Variants in FYN observed in about 807,000 individuals in gnomAD.
The protein encoded by FYN is FYN proto-oncogene, Src family tyrosine kinase, also known as tyrosine-protein kinase Fyn.
Under a neutral mutation model 70.2 loss-of-function variants are expected in FYN, and 10 were observed. The observed-to-expected ratio is 0.14, with a 90% CI of 0.09 to 0.24. FYN has a LOEUF of 0.24. Among genes scored for constraint, FYN ranks in the 10% least tolerant of loss-of-function variants. The pLI is 1.00. For synonymous variants in FYN, 236 were observed against 248.6 expected (o/e 0.95, Z 0.48); for missense variants, 319 against 673.1 (o/e 0.47, Z 5.82).
intron 2 of FYN, among the ~76,000 whole-genome samples, chr6:111,806,356 T>C (rs536582392): frequency 9.2e-5 from 14 of 152,186 alleles, no homozygotes; most frequent in African/African-American, 2.6e-4. Context: ...CTTGCATCAG[T>C]ATTACTCAAG....
At chr6:111,801,578 C>T (rs113761904) in intron 2 of FYN, among the ~76,000 whole-genome samples, 349 of 152,324 alleles carry the variant, frequency 2.3e-3, no homozygotes, top group African/African-American at 7.8e-3. Flanking sequence ...TTAGACACAT[C>T]AGTGAATACG....
intron 1 of FYN, among the ~76,000 whole-genome samples, chr6:111,852,710 T>C (rs971631855): frequency 6.6e-6 from 1 of 152,106 alleles, no homozygotes; most frequent in Non-Finnish European, 1.5e-5. Flanking sequence ...AATCTAGTTA[T>C]ATAGGTTTTC....
chr6:111,838,498 C>G (rs975243136), intron 2 of FYN, among the ~76,000 whole-genome samples: 2 of 152,162 alleles, frequency 1.3e-5, no homozygotes, highest in African/African-American at 4.8e-5. Context: ...ATGGCCATAC[C>G]CAAAGACACT....
chr6:111,715,813 C>T (rs1800615290), intron 4 of FYN, among the ~76,000 whole-genome samples: 1 of 152,152 alleles, frequency 6.6e-6, no homozygotes. Flanking sequence ...GATTCCTGAC[C>T]CACAGAAACT....
At chr6:111,790,293 CACACAT>C (rs1187095264) in intron 2 of FYN, among the ~76,000 whole-genome samples, 4 of 140,848 alleles carry the variant, frequency 2.8e-5, no homozygotes, top group African/African-American at 8.2e-5. Flanking sequence ...CACACACACA[CACACAT>C]TCTGAAGGGC....
At chr6:111,762,774 C>A (rs2128494598) in intron 3 of FYN, among the ~76,000 whole-genome samples, 1 of 151,620 alleles carries the variant, frequency 6.6e-6, no homozygotes, top group East Asian at 1.9e-4. Context: ...ATAAAATATA[C>A]TAATGATAGG....
chr6:111,771,451 C>T (rs564280128), intron 3 of FYN, among the ~76,000 whole-genome samples: 1 of 152,154 alleles, frequency 6.6e-6, no homozygotes, highest in Non-Finnish European at 1.5e-5. Flanking sequence ...ATAATAACAC[C>T]TTAACCTATT....
chr6:111,770,516 T>C (rs1803404149), intron 3 of FYN, among the ~76,000 whole-genome samples: 1 of 152,170 alleles, frequency 6.6e-6, no homozygotes, highest in African/African-American at 2.4e-5. Context: ...TGACTGCTTG[T>C]AGACTGAAAA....
intron 2 of FYN, among the ~76,000 whole-genome samples, chr6:111,808,890 A>G (rs1772237454): frequency 6.6e-6 from 1 of 152,194 alleles, no homozygotes. Flanking sequence ...GTTCTTATCA[A>G]ATATTTATGG....
At chr6:111,723,812 G>A (rs1358934984) in intron 3 of FYN, among the ~76,000 whole-genome samples, 1 of 152,208 alleles carries the variant, frequency 6.6e-6, no homozygotes, top group African/African-American at 2.4e-5. Context: ...TCGTGACATA[G>A]AATGTACTAA....
At chr6:111,699,716 AT>A in intron 9 of FYN, 1 of 1,543,996 alleles carries the variant, frequency 6.5e-7, no homozygotes, top group Non-Finnish European at 8.9e-7. Flanking sequence ...CTTATAATCC[AT>A]AATTATGCAT....
chr6:111,707,379 C>T (rs1330705977), intron 6 of FYN, among the ~76,000 whole-genome samples: 1 of 152,202 alleles, frequency 6.6e-6, no homozygotes, highest in Non-Finnish European at 1.5e-5. Context: ...TGTTTACTAC[C>T]AAAGAAGCCA....
At chr6:111,829,357 C>T (rs934000486) in intron 2 of FYN, among the ~76,000 whole-genome samples, 2 of 152,136 alleles carry the variant, frequency 1.3e-5, no homozygotes, top group Non-Finnish European at 2.9e-5. Flanking sequence ...CCTATCTCAC[C>T]GGTCTGTAGT....
chr6:111,764,233 G>GAAAAA (rs1441217283), intron 3 of FYN, among the ~76,000 whole-genome samples: 18 of 71,658 alleles, frequency 2.5e-4, no homozygotes, highest in East Asian at 4.8e-4. Flanking sequence ...AAAAAAAAAA[G>GAAAAA]AAAAGAAAAA....
chr6:111,856,040 C>T lies in FYN; in HGVS notation c.-122-9411G>A, dbSNP rs567252217. Among the ~76,000 whole-genome samples the T allele has an allele frequency of 2.0e-5, 3 of 152,230 alleles. No homozygotes were observed. The South Asian group carries it at 6.2e-4, about 32-fold the overall frequency. ...CAGAATGGAGTGAAACTGAGAAGGT[C>T]TGCAATTTTGTGCCATCTAAATTTG... On this transcript the variant is annotated intron_variant, in intron 1 of 13. Transcript: ENST00000354650.
At chr6:111,775,914 C>T (rs1270193610) in intron 3 of FYN, among the ~76,000 whole-genome samples, 1 of 152,154 alleles carries the variant, frequency 6.6e-6, no homozygotes, top group East Asian at 1.9e-4. Flanking sequence ...TATTCTTGCT[C>T]TCATGTTATG....
intron 2 of FYN, among the ~76,000 whole-genome samples, chr6:111,781,842 T>TCCC (rs1771186146): frequency 6.6e-6 from 1 of 152,224 alleles, no homozygotes; most frequent in Non-Finnish European, 1.5e-5. Flanking sequence ...ATGAACATCT[T>TCCC]TCAATACTTA....
At position 111,664,462 on chromosome 6, in the gene FYN, G is replaced by T. The variant is rs1157296423; in HGVS notation, c.1406-2515C>A. On this transcript the variant is annotated intron_variant, in intron 13 of 13. Transcript: ENST00000354650. ...CATTAAAAAACAAACTACTCAAATG[G>T]AAAGATTTCACTTAAAAAAAAAGTT... 1.3e-5 allele frequency among the ~76,000 whole-genome samples: 2 copies of T among 152,236 alleles called. 1 individual carries two copies. Among genetic ancestry groups the T allele is most frequent in the Non-Finnish European group, 2.9e-5 (2 of 68,016 alleles).
At chr6:111,742,273 TAAAGTTTATGCTCATTCTCC>T (rs1802009058) in intron 3 of FYN, among the ~76,000 whole-genome samples, 3 of 152,348 alleles carry the variant, frequency 2.0e-5, no homozygotes, top group Middle Eastern at 6.8e-3. Context: ...TATCTGACTA[TAAAGTTTATGCTCATTCTCC>T]AACTTTCAGA....
Sources: allele counts gnomAD v4.1 joint callset (sites outside exome capture counted in the v4.1 genomes callset), GRCh38; gene constraint gnomAD v4.1.1; transcripts MANE v1.5; gene names NCBI Gene and HGNC (gene_info 2026-07-23, HGNC 2026-07-21).